ADAMTSL1: variants seen among roughly 807,000 people sequenced by gnomAD.
ADAMTSL1 encodes the protein ADAMTS-like protein 1.
Under a neutral mutation model 201.8 loss-of-function variants are expected in ADAMTSL1, and 126 were observed. That is an observed-to-expected ratio of 0.62 (90% confidence interval 0.54 to 0.72). The LOEUF (loss-of-function observed/expected upper bound fraction) is 0.72, where lower values mean the gene tolerates loss of function less well. ADAMTSL1 is among the 30% of genes least tolerant of loss of function. The probability of loss-of-function intolerance (pLI) is 0.00; values close to 1 mark genes in which losing one functional copy is unlikely to be tolerated. For missense variants in ADAMTSL1, 2,679 were observed against 2,277.8 expected, an observed-to-expected ratio of 1.18 and a Z score of -3.59; for synonymous variants, 1,121 against 903.4, an observed-to-expected ratio of 1.24 and a Z score of -4.32.
At chr9:18,426,831 G>A (rs374977683) in intron 2 of ADAMTSL1, among the ~76,000 whole-genome samples, 13 of 152,196 alleles carry the variant, frequency 8.5e-5, no homozygotes, top group South Asian at 8.3e-4. Context: ...AATCTGAAAC[G>A]AACAACCTTA....
intron 20 of ADAMTSL1, among the ~76,000 whole-genome samples, chr9:18,813,316 T>C (rs766338820): frequency 7.9e-5 from 12 of 152,360 alleles, no homozygotes; most frequent in Non-Finnish European, 7.3e-5. Flanking sequence ...GGGTATTTTA[T>C]GGTTACAGAC....
chr9:18,566,660 G>T (rs1821917244), intron 3 of ADAMTSL1, among the ~76,000 whole-genome samples: 2 of 152,128 alleles, frequency 1.3e-5, no homozygotes, highest in African/African-American at 4.8e-5. Flanking sequence ...AAGTAAGAGT[G>T]TTCCTGGAAT....
intron 2 of ADAMTSL1, among the ~76,000 whole-genome samples, chr9:18,229,234 A>G (rs186301010): frequency 1.0e-3 from 152 of 152,258 alleles, no homozygotes; most frequent in African/African-American, 3.5e-3. Context: ...AACATAGTCA[A>G]CTGGTCACTA....
intron 7 of ADAMTSL1, among the ~76,000 whole-genome samples, chr9:18,646,681 C>A (rs924186396): frequency 3.3e-5 from 5 of 151,500 alleles, no homozygotes; most frequent in Non-Finnish European, 7.4e-5. Flanking sequence ...TGTTTATATG[C>A]TGGATTACAT....
intron 2 of ADAMTSL1, among the ~76,000 whole-genome samples, chr9:18,465,061 T>G (rs1222549941): frequency 6.6e-6 from 1 of 152,238 alleles, no homozygotes; most frequent in Non-Finnish European, 1.5e-5. Context: ...GTAATTAAGC[T>G]ACATAAGCAA....
chr9:18,239,783 G>A (rs1475389733), intron 2 of ADAMTSL1, among the ~76,000 whole-genome samples: 1 of 151,652 alleles, frequency 6.6e-6, no homozygotes, highest in African/African-American at 2.4e-5. Flanking sequence ...AGAAAGGAAG[G>A]AAGGAAGGAG....
intron 23 of ADAMTSL1, among the ~76,000 whole-genome samples, chr9:18,883,830 G>A (rs1009560039): frequency 2.0e-5 from 3 of 152,134 alleles, no homozygotes; most frequent in African/African-American, 7.2e-5. Flanking sequence ...TTGGATATTT[G>A]AGTGGTTTAA....
chr9:18,841,041 C>T (rs937009892), intron 23 of ADAMTSL1, among the ~76,000 whole-genome samples: 4 of 144,698 alleles, frequency 2.8e-5, no homozygotes, highest in Admixed American at 6.9e-5. Context: ...CTTCTCCTGC[C>T]GAATTGCCCT....
chr9:18,845,210 G>A (rs567192393), intron 23 of ADAMTSL1, among the ~76,000 whole-genome samples: 1 of 152,334 alleles, frequency 6.6e-6, no homozygotes, highest in African/African-American at 2.4e-5. Flanking sequence ...ACTCTCCTTA[G>A]TGAGCAAGCT....
chr9:18,905,510 T>C (rs1563908347), intron 26 of ADAMTSL1: 1 of 453,670 alleles, frequency 2.2e-6, no homozygotes, highest in Non-Finnish European at 4.0e-6. Flanking sequence ...ATATGATTAA[T>C]CTGAGAGGAG....
rs747325603 is a variant in ADAMTSL1, at chr9:18,753,355, C to T, written c.2064C>T (p.Thr688=). The T allele has an allele frequency of 6.2e-7, 1 of 1,612,464 alleles. No individual in the cohort carries two copies. The highest frequency in any genetic ancestry group is 1.1e-5 in the South Asian group (1 of 90,570). Residue 688 remains threonine, a synonymous_variant, in exon 16 of 29, where the codon ACC becomes ACT. Transcript: ENST00000380548. ...CSLTCGVGLQ[T]RDVFCSHLLS... ...TCACATGTGGGGTCGGCCTACAGAC[C>T]AGAGACGTCTTCTGCAGCCACCTGC... is the stretch of plus-strand genomic sequence containing the variant.
chr9:18,663,542 A>T (rs142967001), intron 9 of ADAMTSL1, among the ~76,000 whole-genome samples: 1 of 152,122 alleles, frequency 6.6e-6, no homozygotes, highest in South Asian at 2.1e-4. Flanking sequence ...ATTTTTATGC[A>T]TAACTGTAAT....
At chr9:18,558,023 A>C (rs886180429) in intron 3 of ADAMTSL1, among the ~76,000 whole-genome samples, 1 of 152,052 alleles carries the variant, frequency 6.6e-6, no homozygotes, top group South Asian at 2.1e-4. Context: ...TTTTTAAAAA[A>C]ATATACTTTA....
intron 1 of ADAMTSL1, among the ~76,000 whole-genome samples, chr9:17,913,097 A>G (rs1825955267): frequency 6.6e-6 from 1 of 152,094 alleles, no homozygotes. Flanking sequence ...TGGTTACTGT[A>G]GCCGTGTAGT....
chr9:18,710,162 C>A (rs1046125431), intron 14 of ADAMTSL1, among the ~76,000 whole-genome samples: 1 of 152,204 alleles, frequency 6.6e-6, no homozygotes, highest in Non-Finnish European at 1.5e-5. Context: ...GCGGCTCTGT[C>A]ACTCCAGGTT....
intron 2 of ADAMTSL1, among the ~76,000 whole-genome samples, chr9:18,400,572 T>C (rs1172431112): frequency 6.6e-6 from 1 of 152,224 alleles, no homozygotes; most frequent in African/African-American, 2.4e-5. Flanking sequence ...TTCATAAAAA[T>C]GTATGATGTA....
intron 23 of ADAMTSL1, among the ~76,000 whole-genome samples, chr9:18,843,119 C>A (rs1825842599): frequency 6.6e-6 from 1 of 151,096 alleles, no homozygotes; most frequent in East Asian, 1.9e-4. Context: ...GATGCAGTTT[C>A]TTCCTAGCCT....
chr9:17,961,493 T>A (rs1231117323), intron 1 of ADAMTSL1, among the ~76,000 whole-genome samples: 1 of 152,116 alleles, frequency 6.6e-6, no homozygotes, highest in Non-Finnish European at 1.5e-5. Context: ...TCAGGTGATC[T>A]GCCTGCCTCA....
chr9:18,064,954 A>ATTTTTTTTTTT lies in ADAMTSL1; in HGVS notation c.88-98884_88-98874dup, dbSNP rs563021690. Among the ~76,000 whole-genome samples, 8 of 69,022 alleles carry ATTTTTTTTTTT rather than the reference A, an allele frequency of 1.2e-4. 2 individuals are homozygous for ATTTTTTTTTTT. Among genetic ancestry groups the ATTTTTTTTTTT allele is most frequent in the African/African-American group, 2.8e-4 (5 of 17,554 alleles). The allele number at this position is 69,022 out of a possible 152,430, so 45.3% of individuals were successfully genotyped here. On this transcript the variant is annotated intron_variant, in intron 1 of 29. Coordinates refer to the ADAMTSL1 transcript ENST00000680146. ...ATTCAGAAAGCAGTATTTGCTAAAG[A>ATTTTTTTTTTT]TTTTTTTTTTTTTTTTTTTTTTTTT...
Sources: allele counts gnomAD v4.1 joint callset (sites outside exome capture counted in the v4.1 genomes callset), GRCh38; gene constraint gnomAD v4.1.1; transcripts MANE v1.5; gene names NCBI Gene and HGNC (gene_info 2026-07-23, HGNC 2026-07-21).